The following MAP2 variants were observed in gnomAD, a reference collection of about 807,000 sequenced individuals.
MAP2 encodes microtubule-associated protein 2.
Under a neutral mutation model 137.6 loss-of-function variants are expected in MAP2, and 14 were observed. That is an observed-to-expected ratio of 0.10 (90% CI 0.07 to 0.16). MAP2 has a LOEUF of 0.16. Ranked by LOEUF, MAP2 falls within the 10% of genes least tolerant of loss-of-function variation. The probability of loss-of-function intolerance (pLI) is 1.00; values close to 1 mark genes in which losing one functional copy is unlikely to be tolerated. For missense variants in MAP2, 2,088 were observed against 2,191.5 expected (o/e 0.95, Z 0.94); for synonymous variants, 786 against 782.3 (o/e 1.00, Z -0.08).
chr2:209,486,480 C>A lies in MAP2; in HGVS notation c.-221-21112C>A, dbSNP rs180772193. 4.0e-3 allele frequency among the ~76,000 whole-genome samples: 603 copies of A among 152,264 alleles called. 4 individuals carry two copies. The highest frequency in any genetic ancestry group is 6.3e-3 in the Non-Finnish European group (429 of 68,022). Reference sequence around the variant, plus strand: ...CTCATGATCCACCCGCCTCAGCCTCCCAAAGTGCTGGGATTACGGGCATGA... The same window carrying A: ...CTCATGATCCACCCGCCTCAGCCTCACAAAGTGCTGGGATTACGGGCATGA... On this transcript the variant is annotated intron_variant, in intron 1 of 15. Coordinates refer to ENST00000682079, the MANE Select transcript of MAP2 (RefSeq NM_001375505.1).
In MAP2 at chr2:209,694,446, T is replaced by C; in HGVS notation, c.2276T>C (p.Phe759Ser). 1 of 1,614,004 alleles carries C rather than the reference T, an allele frequency of 6.2e-7. No individual in the cohort carries two copies. The highest frequency in any genetic ancestry group is 8.5e-7 in the Non-Finnish European group (1 of 1,179,976). Reference sequence around the variant, plus strand: ...CCTGCACTGGAGAAAGCCCCTTGCTTCCCTGTAGAAAGCAAAGAGGAAGAA... The same window carrying C: ...CCTGCACTGGAGAAAGCCCCTTGCTCCCCTGTAGAAAGCAAAGAGGAAGAA... The part of the protein sequence containing the change: ...TTPALEKAPC[F>S]PVESKEEEQI... Residue 759 changes from phenylalanine (F) to serine (S), a missense_variant, in exon 8 of 16, where the codon TTC (phenylalanine) becomes TCC (serine). Physicochemically the swap from Phe to Ser is radical, Grantham distance 155. Around this residue, in one of 6 missense-constraint regions of MAP2, gnomAD observed 500 missense variants for 482.9 expected, o/e 1.04. Coordinates refer to ENST00000682079, the MANE Select transcript of MAP2 (RefSeq NM_001375505.1).
chr2:209,658,121 A>G (rs867124248), intron 5 of MAP2, among the ~76,000 whole-genome samples: 31 of 152,302 alleles, frequency 2.0e-4, no homozygotes, highest in Middle Eastern at 3.4e-3. Flanking sequence ...TCGTATTAGA[A>G]CTTGTATCAA....
intron 2 of MAP2, among the ~76,000 whole-genome samples, chr2:209,543,135 G>T (rs1466607769): frequency 6.6e-6 from 1 of 152,024 alleles, no homozygotes; most frequent in Non-Finnish European, 1.5e-5. Context: ...TTATAAATTG[G>T]CTTAATTAAA....
chr2:209,611,670 A>T (rs902718973), intron 3 of MAP2, among the ~76,000 whole-genome samples: 1 of 152,092 alleles, frequency 6.6e-6, no homozygotes, highest in Non-Finnish European at 1.5e-5. Flanking sequence ...GAGTGGAGTT[A>T]TATGAGTCCA....
chr2:209,504,749 A>AT (rs34041601), intron 1 of MAP2, among the ~76,000 whole-genome samples: 8,947 of 150,614 alleles, frequency 0.059, 303 homozygotes, highest in South Asian at 0.094. Context: ...GCAAGCTATC[A>AT]TTTTTTTTTT....
In MAP2 at chr2:209,681,574, C is replaced by T. The variant is rs919579429; in HGVS notation, c.454+747C>T. 6.6e-5 allele frequency among the ~76,000 whole-genome samples: 10 copies of T among 152,174 alleles called. 1 individual carries two copies. Among genetic ancestry groups the T allele is most frequent in the Admixed American group, 2.6e-4 (4 of 15,270 alleles). On this transcript the variant is annotated intron_variant, in intron 7 of 15. Transcript: ENST00000682079. ...AAGGAAACCATTACTGGTTCTCCGA[C>T]TTAGTCCAGTTAACCTTTGTTTATT... is the stretch of plus-strand genomic sequence containing the variant.
chr2:209,515,903 T>C (rs926365267), intron 2 of MAP2, among the ~76,000 whole-genome samples: 1 of 152,086 alleles, frequency 6.6e-6, no homozygotes, highest in African/African-American at 2.4e-5. Context: ...CCTTCTTGCC[T>C]TAGACTCCTG....
intron 1 of MAP2, among the ~76,000 whole-genome samples, chr2:209,450,641 G>A (rs148613994): frequency 2.0e-4 from 30 of 152,212 alleles, no homozygotes; most frequent in Non-Finnish European, 4.0e-4. Flanking sequence ...ATGAAGATAG[G>A]GGTAATGTCT....
At position 209,538,553 on chromosome 2, in the gene MAP2, T is replaced by TC. The variant is rs1553579356; in HGVS notation, c.-172+30914dup. 8.8e-3 allele frequency among the ~76,000 whole-genome samples: 1,314 copies of TC among 150,078 alleles called. 21 individuals are homozygous for TC. Among genetic ancestry groups the TC allele is most frequent in the African/African-American group, 0.031 (1,257 of 40,222 alleles). Reference sequence around the variant, plus strand: ...AAGAGTCCTTTTTTTTTTTTTTTTTTCCTCTGTGTATGACTCTGGGTATAA... The same window carrying TC: ...AAGAGTCCTTTTTTTTTTTTTTTTTTCCCTCTGTGTATGACTCTGGGTATAA... On this transcript the variant is annotated intron_variant, in intron 2 of 15. Transcript: ENST00000682079.
intron 11 of MAP2, chr2:209,704,480 C>T: frequency 6.2e-7 from 1 of 1,610,522 alleles, no homozygotes; most frequent in Non-Finnish European, 8.5e-7. Context: ...TCCTGCTTTA[C>T]AGGGTAGCAC....
At chr2:209,638,689 A>T (rs2093763213) in intron 4 of MAP2, among the ~76,000 whole-genome samples, 1 of 152,072 alleles carries the variant, frequency 6.6e-6, no homozygotes, top group Non-Finnish European at 1.5e-5. Flanking sequence ...AATATGTATG[A>T]CTCAGAAGGT....
At chr2:209,460,879 G>C (rs1020066890) in intron 1 of MAP2, among the ~76,000 whole-genome samples, 16 of 151,966 alleles carry the variant, frequency 1.1e-4, no homozygotes, top group African/African-American at 3.9e-4. Context: ...CTCCCGAGTA[G>C]CTGGGATTAC....
chr2:209,695,742 A>T lies in MAP2; in HGVS notation c.3572A>T (p.Asp1191Val). The change falls in exon 8 of 16, where the codon GAT becomes GTT. Residue 1191 changes from aspartate (D) to valine (V), a missense_variant. Coordinates refer to ENST00000682079, the MANE Select transcript of MAP2 (RefSeq NM_001375505.1). The stretch of plus-strand genomic sequence containing the variant: ...GATTTAGCCACAGATGAGAGAGCTG[A>T]TGTCCAGATGGAATTTATTCAGGGG... ...EADLATDERADVQMEFIQGPK... is the reference protein window; with the variant it reads ...EADLATDERAVVQMEFIQGPK... 1 of 1,614,036 alleles carries T rather than the reference A, an allele frequency of 6.2e-7. No homozygotes were observed. Among genetic ancestry groups the T allele is most frequent in the Non-Finnish European group, 8.5e-7 (1 of 1,179,990 alleles).
chr2:209,525,805 C>T (rs567599372), intron 2 of MAP2, among the ~76,000 whole-genome samples: 1 of 152,212 alleles, frequency 6.6e-6, no homozygotes, highest in East Asian at 1.9e-4. Context: ...TTTGTCCAAA[C>T]TCTTAGTTTC....
At chr2:209,495,172 G>T (rs540627009) in intron 1 of MAP2, among the ~76,000 whole-genome samples, 1 of 152,224 alleles carries the variant, frequency 6.6e-6, no homozygotes, top group Non-Finnish European at 1.5e-5. Flanking sequence ...TGAAAGAAAG[G>T]CAGCAGCCCT....
chr2:209,454,106 G>C (rs117474567), intron 1 of MAP2, among the ~76,000 whole-genome samples: 1 of 127,348 alleles, frequency 7.9e-6, no homozygotes, highest in Non-Finnish European at 1.6e-5. Flanking sequence ...AGCCTAGATC[G>C]CGCTCTGCAC....
chr2:209,644,377 C>T (rs1208327790), intron 4 of MAP2, among the ~76,000 whole-genome samples: 1 of 152,032 alleles, frequency 6.6e-6, no homozygotes, highest in Non-Finnish European at 1.5e-5. Flanking sequence ...TGTTATTTTT[C>T]ATATGCACCG....
intron 2 of MAP2, among the ~76,000 whole-genome samples, chr2:209,554,267 C>T (rs1404202383): frequency 3.9e-5 from 6 of 152,180 alleles, no homozygotes; most frequent in African/African-American, 1.4e-4. Context: ...TAACCCTTGG[C>T]AGCTAGGTGG....
Position 209,580,096 on chromosome 2 carries a change from A to G in MAP2, c.-111A>G, listed in dbSNP as rs1439085082. 6.6e-6 allele frequency: 1 copy of G among 151,968 alleles called. No homozygotes were observed. Among genetic ancestry groups the G allele is most frequent in the East Asian group, 1.9e-4 (1 of 5,176 alleles). The allele number at this position is 151,968 out of a possible 1,614,324, so 9.4% of individuals were successfully genotyped here. A position where few individuals can be genotyped will look rare whatever the true frequency, so the allele number is the denominator to read the frequency against. On this transcript the variant is annotated 5_prime_UTR_variant, in exon 3 of 16. Transcript: ENST00000682079. ...TTGGGAGCTACTCATTCAGAAAATT[A>G]AAAGGTACCACATGTTTTGTTTGGA...
Sources: gnomAD v4.1 joint callset for allele counts (sites outside exome capture counted in the v4.1 genomes callset) on GRCh38, gnomAD v4.1.1 for gene constraint, gnomAD v4.1.1 regional missense constraint, MANE v1.5 for transcripts, NCBI Gene and HGNC (gene_info 2026-07-23, HGNC 2026-07-21) for gene names.